Variants in FAM83B observed in about 807,000 individuals in gnomAD.
FAM83B encodes scaffolding CK1 anchoring protein B.
In FAM83B, 26 loss-of-function variants were observed where a neutral mutation model predicts 38.8. The observed-to-expected ratio is 0.67, with a 90% confidence interval of 0.49 to 0.93. The LOEUF (loss-of-function observed/expected upper bound fraction) is 0.93, where lower values mean the gene tolerates loss of function less well. Among genes scored for constraint, FAM83B ranks in the 40% least tolerant of loss-of-function variants. The probability of loss-of-function intolerance (pLI) is 0.00; values close to 1 mark genes in which losing one functional copy is unlikely to be tolerated. For synonymous variants in FAM83B, 419 were observed against 423.1 expected (o/e 0.99, Z 0.12); for missense variants, 1,237 against 1,197.3 (o/e 1.03, Z -0.49).
At chr6:54,861,047 T>G (rs1771570983) in intron 1 of FAM83B, among the ~76,000 whole-genome samples, 1 of 152,184 alleles carries the variant, frequency 6.6e-6, no homozygotes. Context: ...GCTGGGATTA[T>G]AGGTGTGAGC....
intron 2 of FAM83B, among the ~76,000 whole-genome samples, chr6:54,917,155 T>TCTTTGAGAGA (rs1773062821): frequency 6.6e-6 from 1 of 152,196 alleles, no homozygotes; most frequent in Non-Finnish European, 1.5e-5. Context: ...CTCTCAATAC[T>TCTTTGAGAGA]GTGTACTCTT....
At chr6:54,902,986 C>T (rs1006483815) in intron 2 of FAM83B, among the ~76,000 whole-genome samples, 24 of 151,956 alleles carry the variant, frequency 1.6e-4, no homozygotes, top group African/African-American at 4.8e-4. Flanking sequence ...AAAAATAGAA[C>T]AAGTCATCTT....
At chr6:54,886,316 T>G (rs756825663) in intron 2 of FAM83B, among the ~76,000 whole-genome samples, 7 of 152,048 alleles carry the variant, frequency 4.6e-5, no homozygotes, top group Non-Finnish European at 8.8e-5. Context: ...TTTTTTTGTT[T>G]TTTTGTTTTC....
chr6:54,857,773 A>G lies in FAM83B; in HGVS notation c.-61+10947A>G, dbSNP rs115655448. ...AATATTTTACTTACTTCACATAATA[A>G]GTGTTATAAGTTAGAGCAGGGTACA... On this transcript the variant is annotated intron_variant, in intron 1 of 4. Transcript: ENST00000306858. Among the ~76,000 whole-genome samples, 1,082 of 152,290 alleles carry G rather than the reference A, an allele frequency of 7.1e-3. 8 individuals carry two copies. The highest frequency in any genetic ancestry group is 0.023 in the African/African-American group (949 of 41,546).
chr6:54,912,356 C>T (rs1364322933), intron 2 of FAM83B, among the ~76,000 whole-genome samples: 1 of 149,644 alleles, frequency 6.7e-6, no homozygotes. Flanking sequence ...AGAACACTGA[C>T]AAGTTCTTTT....
chr6:54,855,755 C>A (rs1367738409), intron 1 of FAM83B, among the ~76,000 whole-genome samples: 1 of 152,046 alleles, frequency 6.6e-6, no homozygotes, highest in Non-Finnish European at 1.5e-5. Flanking sequence ...ATACGATTCA[C>A]CAAAAAGTGG....
In FAM83B at chr6:54,870,242, C is replaced by G. The variant is rs758521772; in HGVS notation, c.-5C>G. ...TGAAAGTGCCATAGCCAAACACTTG[C>G]AAGCATGGAGACCTCATCAATGCTT... On this transcript the variant is annotated 5_prime_UTR_variant, in exon 2 of 5. Coordinates refer to ENST00000306858, the MANE Select transcript of FAM83B (RefSeq NM_001010872.3). 3.7e-6 allele frequency: 6 copies of G among 1,605,242 alleles called. No individual in the cohort carries two copies. The highest frequency in any genetic ancestry group is 1.7e-4 in the Middle Eastern group (1 of 6,026).
At chr6:54,853,508 A>C (rs1053865717) in intron 1 of FAM83B, among the ~76,000 whole-genome samples, 6 of 152,280 alleles carry the variant, frequency 3.9e-5, no homozygotes, top group Admixed American at 2.6e-4. Flanking sequence ...AGAATGCCTA[A>C]GGTCTTCAAA....
rs1044437900 is a variant in FAM83B at position 54,944,606 on chromosome 6, G to A, written c.*2599G>A. The A allele has an allele frequency of 2.0e-5, 3 of 152,112 alleles. No individual in the cohort carries two copies. Among genetic ancestry groups the A allele is most frequent in the Non-Finnish European group, 4.4e-5 (3 of 68,020 alleles). The allele number at this position is 152,112 out of a possible 1,614,324, so 9.4% of individuals were successfully genotyped here. ...TCTTGTTTAATCAAGATGATGTCTA[G>A]TGTCACCTAAATAATGCAAAAAGTT... On this transcript the variant is annotated 3_prime_UTR_variant, in exon 5 of 5. Transcript: ENST00000306858.
Position 54,906,071 on chromosome 6 carries a change from A to G in FAM83B, c.445-20300A>G, listed in dbSNP as rs117882936. ...ACTATTCGAAAAAAAAAAAAAAAGT[A>G]TTAAAATAACCAGTGACATTCTAAA... On this transcript the variant is annotated intron_variant, in intron 2 of 4. Coordinates refer to ENST00000306858, the MANE Select transcript of FAM83B (RefSeq NM_001010872.3). Among the ~76,000 whole-genome samples the G allele has an allele frequency of 1.0e-3, 151 of 150,542 alleles. 2 individuals are homozygous for G. In the East Asian group the frequency reaches 0.021, roughly 21 times the overall value.
At chr6:54,887,611 A>G (rs775557712) in intron 2 of FAM83B, among the ~76,000 whole-genome samples, 2 of 151,964 alleles carry the variant, frequency 1.3e-5, no homozygotes, top group African/African-American at 2.4e-5. Flanking sequence ...TTTAAAGGGA[A>G]TATTTTGAGA....
intron 1 of FAM83B, among the ~76,000 whole-genome samples, chr6:54,854,840 C>G (rs147093128): frequency 1.3e-5 from 2 of 152,030 alleles, no homozygotes; most frequent in African/African-American, 2.4e-5. Flanking sequence ...ATACAATTGA[C>G]GATTGATTAC....
At chr6:54,927,483 GCT>G in intron 3 of FAM83B, 23 bp from the exon 4 acceptor site, 1 of 1,524,470 alleles carries the variant, frequency 6.6e-7, no homozygotes, top group Non-Finnish European at 8.9e-7. Flanking sequence ...CATAATGTCT[GCT>G]TTTTATTTAC....
intron 2 of FAM83B, among the ~76,000 whole-genome samples, chr6:54,897,579 A>G (rs1327628337): frequency 6.6e-6 from 1 of 152,192 alleles, no homozygotes; most frequent in Non-Finnish European, 1.5e-5. Context: ...CTATTAAATT[A>G]GCTGTCAAAG....
chr6:54,901,218 T>A (rs1456846384), intron 2 of FAM83B, among the ~76,000 whole-genome samples: 1 of 152,176 alleles, frequency 6.6e-6, no homozygotes, highest in African/African-American at 2.4e-5. Flanking sequence ...TTGACAACTG[T>A]TGTACTCCTC....
At position 54,942,456 on chromosome 6, in the gene FAM83B, C is replaced by T. The variant is rs1773726072; in HGVS notation, c.*449C>T. 6.6e-6 allele frequency among the ~76,000 whole-genome samples: 1 copy of T among 152,046 alleles called. No homozygotes were observed. The highest frequency in any genetic ancestry group is 2.4e-5 in the African/African-American group (1 of 41,398). On this transcript the variant is annotated 3_prime_UTR_variant, in exon 5 of 5. Coordinates refer to ENST00000306858, the MANE Select transcript of FAM83B (RefSeq NM_001010872.3). ...GGACAAAGCCCTTTTTTAAGATTAA[C>T]TTGAAGTTCTACGGGATAACTTGTT... is the stretch of plus-strand genomic sequence containing the variant.
chr6:54,866,497 A>T (rs1163884289), intron 1 of FAM83B, among the ~76,000 whole-genome samples: 2 of 152,096 alleles, frequency 1.3e-5, no homozygotes, highest in African/African-American at 4.8e-5. Flanking sequence ...CTGTCATTTT[A>T]AGAGTGCAGC....
At chr6:54,885,969 A>G (rs1772265691) in intron 2 of FAM83B, among the ~76,000 whole-genome samples, 1 of 151,128 alleles carries the variant, frequency 6.6e-6, no homozygotes, top group African/African-American at 2.4e-5. Context: ...AAGTATAATA[A>G]TAATAATAAT....
intron 1 of FAM83B, among the ~76,000 whole-genome samples, chr6:54,863,694 TTAA>T (rs1771638394): frequency 6.6e-6 from 1 of 152,228 alleles, no homozygotes; most frequent in Non-Finnish European, 1.5e-5. Flanking sequence ...GTGAATGTAG[TTAA>T]TTTTTGATAT....
Sources: allele counts gnomAD v4.1 joint callset (sites outside exome capture counted in the v4.1 genomes callset), GRCh38; gene constraint gnomAD v4.1.1; transcripts MANE v1.5; gene names NCBI Gene and HGNC (gene_info 2026-07-23, HGNC 2026-07-21).